The following SP140 variants were observed in gnomAD, a reference collection of about 807,000 sequenced individuals.
SP140 encodes SP140 nuclear body protein, also known as nuclear body protein SP140.
A neutral mutation model predicts 125.0 loss-of-function variants in SP140; 81 were observed. The observed-to-expected ratio is 0.65, with a 90% CI of 0.54 to 0.78. The LOEUF (loss-of-function observed/expected upper bound fraction) is 0.78, where lower values mean the gene tolerates loss of function less well. Among genes scored for constraint, SP140 ranks in the 30% least tolerant of loss-of-function variants. SP140 has a pLI of 0.00. For missense variants in SP140, 858 were observed against 1,037.0 expected (o/e 0.83, Z 2.37); for synonymous variants, 312 against 354.0 (o/e 0.88, Z 1.33).
intron 1 of SP140, chr2:230,208,090 C>G (rs774904358): frequency 3.3e-6 from 4 of 1,210,104 alleles, no homozygotes; most frequent in Non-Finnish European, 4.9e-6. Flanking sequence ...TTTATAGTTA[C>G]AAACATTGAT....
chr2:230,239,606 C>T (rs2048435328), intron 3 of SP140, among the ~76,000 whole-genome samples: 1 of 152,162 alleles, frequency 6.6e-6, no homozygotes, highest in Admixed American at 6.5e-5. Flanking sequence ...ACCACCACAC[C>T]CGGTTAATTC....
At chr2:230,276,903 G>T (rs749068532) in intron 15 of SP140, among the ~76,000 whole-genome samples, 3 of 152,158 alleles carry the variant, frequency 2.0e-5, no homozygotes, top group Admixed American at 6.6e-5. Flanking sequence ...ATAGCCAAGA[G>T]AACCAGAATT....
intron 1 of SP140, among the ~76,000 whole-genome samples, chr2:230,208,513 G>T (rs2044123842): frequency 6.6e-6 from 1 of 152,216 alleles, no homozygotes; most frequent in African/African-American, 2.4e-5. Context: ...GAGGGAGACA[G>T]ATGTAGTTAG....
At chr2:230,220,149 G>A in intron 3 of SP140, 2 of 907,300 alleles carry the variant, frequency 2.2e-6, no homozygotes, top group Non-Finnish European at 2.6e-6. Context: ...TTGGGGTTTG[G>A]GGGAGGGCGT....
chr2:230,313,610 A>C (rs971701075), downstream of SP140, among the ~76,000 whole-genome samples: 1 of 152,222 alleles, frequency 6.6e-6, no homozygotes, highest in Non-Finnish European at 1.5e-5. Flanking sequence ...CTTCTGAGCG[A>C]ACCCTCACCA....
At chr2:230,197,846 T>C in the SP140 span, among the ~76,000 whole-genome samples, 2 of 152,102 alleles carry the variant, frequency 1.3e-5, no homozygotes, top group Admixed American at 1.3e-4. Context: ...TGAGACAGGG[T>C]CTTACTACAT....
At chr2:230,292,412 A>G (rs926688533) in intron 19 of SP140, among the ~76,000 whole-genome samples, 2 of 152,228 alleles carry the variant, frequency 1.3e-5, no homozygotes, top group Non-Finnish European at 2.9e-5. Context: ...GATGATAACC[A>G]TCACTCTCCT....
intron 12 of SP140, among the ~76,000 whole-genome samples, chr2:230,263,884 T>C (rs2052659238): frequency 6.6e-6 from 1 of 152,242 alleles, no homozygotes; most frequent in Non-Finnish European, 1.5e-5. Flanking sequence ...CTGGTGCTTC[T>C]GTCTCACAGC....
intron 11 of SP140, among the ~76,000 whole-genome samples, chr2:230,254,183 A>G (rs900179885): frequency 6.6e-6 from 1 of 152,238 alleles, no homozygotes; most frequent in Non-Finnish European, 1.5e-5. Context: ...ATGCAGAGAA[A>G]GAGATCAAAA....
At chr2:230,291,269 C>G (rs1024815989) in intron 19 of SP140, among the ~76,000 whole-genome samples, 2 of 152,182 alleles carry the variant, frequency 1.3e-5, no homozygotes, top group Admixed American at 6.5e-5. Flanking sequence ...TATTTCTAAA[C>G]AGCTTTACTG....
At chr2:230,311,108 C>T (rs757725334) in intron 24 of SP140, 46 bp from the exon 25 acceptor site, 17 of 1,609,718 alleles carry the variant, frequency 1.1e-5, no homozygotes, top group Non-Finnish European at 1.4e-5. Flanking sequence ...CATGTGGGCT[C>T]ATTCTCTCCA....
intron 16 of SP140, among the ~76,000 whole-genome samples, chr2:230,285,358 C>T (rs1371389519): frequency 6.6e-6 from 1 of 151,944 alleles, no homozygotes; most frequent in Non-Finnish European, 1.5e-5. Flanking sequence ...TAATTTTTAC[C>T]AATCTTGCCA....
At chr2:230,188,705 G>A in the SP140 span, among the ~76,000 whole-genome samples, 1 of 152,098 alleles carries the variant, frequency 6.6e-6, no homozygotes, top group African/African-American at 2.4e-5. Context: ...AGGGATGCTG[G>A]ATTTTATCAA....
intron 13 of SP140, 62 bp from the exon 14 acceptor site, chr2:230,269,775 G>C: frequency 7.6e-7 from 1 of 1,324,128 alleles, no homozygotes; most frequent in African/African-American, 1.4e-5. Flanking sequence ...AGCAACAAGG[G>C]TGCAGAAAAT....
At chr2:230,223,927 G>T (rs1031504823), upstream of SP140, among the ~76,000 whole-genome samples, 1 of 152,212 alleles carries the variant, frequency 6.6e-6, no homozygotes, top group Non-Finnish European at 1.5e-5. Context: ...AGGCAGGCCG[G>T]AGCCTTCTGA....
intron 15 of SP140, among the ~76,000 whole-genome samples, chr2:230,280,196 A>G (rs1373304700): frequency 3.3e-5 from 5 of 152,086 alleles, no homozygotes; most frequent in Admixed American, 3.3e-4. Flanking sequence ...TACTTTAAAT[A>G]TTTTGAGGCT....
At chr2:230,215,894 A>G (rs558466760) in intron 3 of SP140, among the ~76,000 whole-genome samples, 2 of 152,290 alleles carry the variant, frequency 1.3e-5, no homozygotes, top group South Asian at 2.1e-4. Flanking sequence ...AGGGGTCTTC[A>G]TGAGATGAGT....
chr2:230,287,448 C>T (rs962246492), intron 17 of SP140, among the ~76,000 whole-genome samples: 3 of 152,072 alleles, frequency 2.0e-5, no homozygotes, highest in Admixed American at 6.5e-5. Flanking sequence ...GTAGTTTTGT[C>T]TCAATTTTCT....
At chr2:230,192,769 T>C in the SP140 span, among the ~76,000 whole-genome samples, 1 of 152,204 alleles carries the variant, frequency 6.6e-6, no homozygotes, top group Non-Finnish European at 1.5e-5. Context: ...TAAAAATTTA[T>C]TGAGACTTGT....
Sources: gnomAD v4.1 joint callset for allele counts (sites outside exome capture counted in the v4.1 genomes callset) on GRCh38, gnomAD v4.1.1 for gene constraint, MANE v1.5 for transcripts, NCBI Gene and HGNC (gene_info 2026-07-23, HGNC 2026-07-21) for gene names.